JADE3: variants seen among roughly 807,000 people sequenced by gnomAD.
JADE3 encodes the protein protein Jade-3.
A neutral mutation model predicts 50.1 loss-of-function variants in JADE3; 2 were observed. The ratio of observed to expected loss-of-function variants is 0.04; its 90% CI spans 0.02 to 0.13. The LOEUF is 0.13. JADE3 is among the 10% of genes least tolerant of loss of function. The pLI is 1.00. For synonymous variants in JADE3, 218 were observed against 232.9 expected, an observed-to-expected ratio of 0.94 and a Z score of 0.58; for missense variants, 475 against 634.4, an observed-to-expected ratio of 0.75 and a Z score of 2.70.
chrX:47,039,264 T>C lies in JADE3; in HGVS notation c.972+199T>C, dbSNP rs894592683. 1.6e-4 allele frequency among the ~76,000 whole-genome samples: 18 copies of C among 111,633 alleles called. 1 individual carries two copies. Among genetic ancestry groups the C allele is most frequent in the Non-Finnish European group, 2.6e-4 (14 of 53,145 alleles). On this transcript the variant is annotated intron_variant, in intron 8 of 10. Coordinates refer to ENST00000614628, the MANE Select transcript of JADE3 (RefSeq NM_014735.5). ...GGACCATTCAGCTTATTCTTTTCAA[T>C]ATTCGTAGTGATAGTTTATCTTCAT...
At chrX:46,993,497 A>G (rs1928060406) in intron 3 of JADE3, among the ~76,000 whole-genome samples, 1 of 111,785 alleles carries the variant, frequency 8.9e-6, no homozygotes, top group African/African-American at 3.3e-5. Flanking sequence ...TCAGATCTCT[A>G]AATCAGACTT....
chrX:46,957,258 T>TAG (rs1927153779), intron 1 of JADE3, among the ~76,000 whole-genome samples: 10 of 111,626 alleles, frequency 9.0e-5, no homozygotes, highest in East Asian at 2.8e-4. Context: ...GATAGATAGA[T>TAG]ATAAACGATA....
At chrX:46,954,818 G>A (rs1467229066) in intron 1 of JADE3, among the ~76,000 whole-genome samples, 1 of 112,159 alleles carries the variant, frequency 8.9e-6, no homozygotes, top group Non-Finnish European at 1.9e-5. Context: ...GCCTCCCAAA[G>A]TGCTAGGATT....
At chrX:46,978,815 C>T (rs560050044) in intron 1 of JADE3, among the ~76,000 whole-genome samples, 1 of 111,687 alleles carries the variant, frequency 9.0e-6, no homozygotes, top group South Asian at 3.8e-4. Context: ...CTAAGCATGT[C>T]GCTTTAATGC....
chrX:47,040,143 G>A (rs1279162419), intron 8 of JADE3, among the ~76,000 whole-genome samples: 1 of 111,862 alleles, frequency 8.9e-6, no homozygotes, highest in African/African-American at 3.3e-5. Flanking sequence ...AGGGATGGAA[G>A]GGCTGACCTT....
chrX:47,026,641 G>C (rs1429553375), intron 5 of JADE3, among the ~76,000 whole-genome samples: 5 of 111,480 alleles, frequency 4.5e-5, no homozygotes, highest in East Asian at 5.6e-4. Flanking sequence ...GTGTCTAAGA[G>C]CTTAAAGTAA....
chrX:47,000,759 C>G (rs1928263771), intron 4 of JADE3, among the ~76,000 whole-genome samples: 1 of 110,968 alleles, frequency 9.0e-6, no homozygotes, highest in African/African-American at 3.3e-5. Context: ...ACCATGTTGG[C>G]CAGGCTGGTC....
At chrX:46,918,700 A>C (rs1252378183) in intron 1 of JADE3, among the ~76,000 whole-genome samples, 1 of 112,062 alleles carries the variant, frequency 8.9e-6, no homozygotes, top group Non-Finnish European at 1.9e-5. Context: ...TGGTTGGTCT[A>C]GGAGGCCCTA....
chrX:47,047,498 G>T (rs781946390), intron 8 of JADE3, among the ~76,000 whole-genome samples: 2 of 107,798 alleles, frequency 1.9e-5, no homozygotes, highest in Non-Finnish European at 3.8e-5. Context: ...GCGGTGAGCC[G>T]AGATCGCACC....
intron 4 of JADE3, among the ~76,000 whole-genome samples, chrX:47,023,747 A>C (rs1048571170): frequency 5.4e-5 from 6 of 111,666 alleles, no homozygotes; most frequent in Admixed American, 9.5e-5. Context: ...CTCTACTAAA[A>C]ATACAAAAAA....
intron 1 of JADE3, among the ~76,000 whole-genome samples, chrX:46,984,613 A>G (rs1170894201): frequency 8.1e-5 from 9 of 111,714 alleles, no homozygotes; most frequent in Non-Finnish European, 1.3e-4. Context: ...GCCACATCTG[A>G]GGCTCCAGTT....
intron 4 of JADE3, among the ~76,000 whole-genome samples, chrX:47,007,024 G>A (rs782671714): frequency 1.8e-4 from 19 of 107,124 alleles, no homozygotes; most frequent in Non-Finnish European, 2.7e-4. Context: ...GGCTGGTCTC[G>A]AACTCCTGGG....
At chrX:47,013,987 G>A (rs1394004949) in intron 4 of JADE3, among the ~76,000 whole-genome samples, 3 of 111,884 alleles carry the variant, frequency 2.7e-5, no homozygotes, top group Non-Finnish European at 3.8e-5. Flanking sequence ...CTTTGACTGG[G>A]CCACTGCCGC....
chrX:47,033,641 G>A lies in JADE3; in HGVS notation c.708G>A (p.Lys236=), dbSNP rs1556367242. 8.3e-7 allele frequency: 1 copy of A among 1,207,001 alleles called. No individual in the cohort carries two copies. The highest frequency in any genetic ancestry group is 1.1e-6 in the Non-Finnish European group (1 of 893,090). The change falls in exon 7 of 11, where the codon AAG becomes AAA. Residue 236 remains lysine, a synonymous_variant. Transcript: ENST00000614628. Reference sequence around the variant, plus strand: ...TCCAGGCCTGCTATGGCATCCTCAAGGTCCCAGAAGGCAGCTGGCTGTGTC... The same window carrying A: ...TCCAGGCCTGCTATGGCATCCTCAAAGTCCCAGAAGGCAGCTGGCTGTGTC... ...CVHQACYGIL[K]VPEGSWLCRS...
At chrX:46,916,344 C>T (rs782045337) in intron 1 of JADE3, among the ~76,000 whole-genome samples, 9 of 111,525 alleles carry the variant, frequency 8.1e-5, no homozygotes, top group Admixed American at 1.9e-4. Flanking sequence ...TCTTTCAAGC[C>T]ATTTGTTAGT....
intron 1 of JADE3, among the ~76,000 whole-genome samples, chrX:46,957,357 G>A (rs1274222210): frequency 8.9e-6 from 1 of 112,111 alleles, no homozygotes; most frequent in Non-Finnish European, 1.9e-5. Flanking sequence ...AAATATCTTA[G>A]ATCTTTTCAT....
intron 4 of JADE3, among the ~76,000 whole-genome samples, chrX:47,010,354 G>A (rs60831850): frequency 0.21 from 22,884 of 110,236 alleles, 2,066 homozygotes; most frequent in East Asian, 0.37. Context: ...TCAGCCTCCC[G>A]AGTAGCTGAG....
intron 1 of JADE3, among the ~76,000 whole-genome samples, chrX:46,945,492 C>A (rs781900335): frequency 2.7e-5 from 3 of 111,253 alleles, no homozygotes; most frequent in Non-Finnish European, 5.7e-5. Flanking sequence ...GTTTGCACAG[C>A]CCCCAGTGCT....
At chrX:46,970,459 A>C (rs1196143804) in intron 1 of JADE3, among the ~76,000 whole-genome samples, 1 of 111,278 alleles carries the variant, frequency 9.0e-6, no homozygotes, top group Non-Finnish European at 1.9e-5. Context: ...ACCCCCCTCT[A>C]ATTGGTTTGT....
Sources: gnomAD v4.1 joint callset for allele counts (sites outside exome capture counted in the v4.1 genomes callset) on GRCh38, gnomAD v4.1.1 for gene constraint, MANE v1.5 for transcripts, NCBI Gene and HGNC (gene_info 2026-07-23, HGNC 2026-07-21) for gene names.